The following PFKFB4 variants were observed in gnomAD, a reference collection of about 807,000 sequenced individuals.
PFKFB4 encodes the protein 6-phosphofructo-2-kinase/fructose-2,6-bisphosphatase 4.
Under a neutral mutation model 62.8 loss-of-function variants are expected in PFKFB4, and 42 were observed. The ratio of observed to expected loss-of-function variants is 0.67; its 90% CI spans 0.52 to 0.86. The LOEUF is 0.86. Among genes scored for constraint, PFKFB4 ranks in the 40% least tolerant of loss-of-function variants. The pLI is 0.00. For missense variants in PFKFB4, 475 were observed against 627.2 expected, an observed-to-expected ratio of 0.76 and a Z score of 2.59; for synonymous variants, 204 against 240.7, an observed-to-expected ratio of 0.85 and a Z score of 1.41.
intron 10 of PFKFB4, among the ~76,000 whole-genome samples, chr3:48,524,106 G>A (rs941696219): frequency 6.6e-6 from 1 of 152,220 alleles, no homozygotes; most frequent in African/African-American, 2.4e-5. Flanking sequence ...CCACCCATGG[G>A]GCTCTGCACT....
intron 3 of PFKFB4, among the ~76,000 whole-genome samples, chr3:48,544,423 A>G (rs905928370): frequency 4.1e-5 from 6 of 146,498 alleles, no homozygotes; most frequent in African/African-American, 1.5e-4. Flanking sequence ...CCAAACACTG[A>G]CTATACAGTT....
At chr3:48,558,323 C>G (rs2043380300), upstream of PFKFB4, among the ~76,000 whole-genome samples, 1 of 152,202 alleles carries the variant, frequency 6.6e-6, no homozygotes, top group African/African-American at 2.4e-5. Flanking sequence ...CGGCTTCAAC[C>G]TGAGCCACAC....
At chr3:48,553,741 T>C (rs950061531) in intron 1 of PFKFB4, among the ~76,000 whole-genome samples, 7 of 152,286 alleles carry the variant, frequency 4.6e-5, no homozygotes, top group Admixed American at 3.3e-4. Context: ...CTCACCTCCT[T>C]AGGCCAGGCT....
chr3:48,537,770 C>T (rs2042670825), intron 7 of PFKFB4, among the ~76,000 whole-genome samples: 1 of 152,042 alleles, frequency 6.6e-6, no homozygotes, highest in African/African-American at 2.4e-5. Flanking sequence ...TGCAATCCTC[C>T]CGCCTCAGCC....
chr3:48,558,609 G>A (rs1021970227), upstream of PFKFB4, among the ~76,000 whole-genome samples: 3 of 152,234 alleles, frequency 2.0e-5, no homozygotes, highest in African/African-American at 7.2e-5. Flanking sequence ...AGGAACTGAA[G>A]ATTCCAAAGG....
upstream of PFKFB4, among the ~76,000 whole-genome samples, chr3:48,558,028 GCA>G (rs1040527163): frequency 6.6e-6 from 1 of 152,050 alleles, no homozygotes; most frequent in African/African-American, 2.4e-5. Context: ...AATGGGATGT[GCA>G]CATTGTCTAT....
At chr3:48,552,651 G>C (rs1226892742) in intron 1 of PFKFB4, among the ~76,000 whole-genome samples, 1 of 152,232 alleles carries the variant, frequency 6.6e-6, no homozygotes, top group African/African-American at 2.4e-5. Flanking sequence ...CAGTGCGACA[G>C]CTGCTAAGCA....
rs756970374 is a variant in PFKFB4 at position 48,550,089 on chromosome 3, C to G, written c.214+29G>C. ...TCTCTTCGTCATGCCCCACAAAGCT[C>G]CCCTTAGACAGCTGGGGCCAAGCCT... On this transcript the variant is annotated intron_variant, in intron 2 of 13. Coordinates refer to ENST00000232375, the MANE Select transcript of PFKFB4 (RefSeq NM_004567.4). 3.9e-6 allele frequency: 6 copies of G among 1,521,914 alleles called. No individual in the cohort carries two copies. The South Asian group carries it at 6.7e-5, about 17-fold the overall frequency. The allele number at this position is 1,521,914 out of a possible 1,614,324, so 94.3% of individuals were successfully genotyped here.
chr3:48,550,440 G>T (rs189377336), intron 1 of PFKFB4, among the ~76,000 whole-genome samples: 39 of 152,220 alleles, frequency 2.6e-4, no homozygotes, highest in Non-Finnish European at 5.9e-5. Context: ...CCCCAGGCCC[G>T]CCTGGGCTCT....
At chr3:48,552,791 G>A (rs1442530471) in intron 1 of PFKFB4, among the ~76,000 whole-genome samples, 1 of 152,202 alleles carries the variant, frequency 6.6e-6, no homozygotes, top group Non-Finnish European at 1.5e-5. Context: ...CCCAGAGACA[G>A]CTCCAGCCTC....
chr3:48,550,755 C>A (rs1298461000), intron 1 of PFKFB4, among the ~76,000 whole-genome samples: 1 of 152,240 alleles, frequency 6.6e-6, no homozygotes, highest in African/African-American at 2.4e-5. Flanking sequence ...AAGTCACTTC[C>A]TCAATGAGTC....
At chr3:48,538,391 G>A (rs1335577398) in intron 7 of PFKFB4, 107 bp downstream of exon 7, 1 of 1,391,232 alleles carries the variant, frequency 7.2e-7, no homozygotes, top group East Asian at 2.3e-5. Context: ...GACCATCTCT[G>A]CTTTTTGGTC....
rs1426511122 is a variant in PFKFB4 at position 48,556,720 on chromosome 3, T to C, written c.58A>G (p.Ser20Gly). Residue 20 changes from serine to glycine, a missense_variant, in exon 1 of 14, where the codon AGC (serine) becomes GGC (glycine). Ser to Gly is a moderately conservative substitution (Grantham distance 56). Transcript: ENST00000232375. This position sits in a 1 kb window ranked among gnomAD's most constrained non-coding sequence, Gnocchi z 5.7. ...GCGTGCAGAGCGGGCCGCCCATTGC[T>C]GTATGGCATCCAGATCTTCTTCAGG... ...NPLKKIWMPY[S>G]NGRPALHACQ... 1 of 1,609,252 alleles carries C rather than the reference T, an allele frequency of 6.2e-7. No homozygotes were observed. The highest frequency in any genetic ancestry group is 8.5e-7 in the Non-Finnish European group (1 of 1,177,928).
intron 9 of PFKFB4, among the ~76,000 whole-genome samples, chr3:48,526,401 C>T (rs541510236): frequency 1.3e-5 from 2 of 151,508 alleles, no homozygotes; most frequent in South Asian, 4.2e-4. Flanking sequence ...GATGAATCCC[C>T]GTCTCTACTA....
chr3:48,554,441 C>T (rs2043250824), intron 1 of PFKFB4, among the ~76,000 whole-genome samples: 1 of 152,216 alleles, frequency 6.6e-6, no homozygotes. Flanking sequence ...CTCTCAGGTG[C>T]TACCTCCTCC....
upstream of PFKFB4, chr3:48,562,517 C>T (rs552528119): frequency 3.3e-5 from 17 of 521,338 alleles, no homozygotes; most frequent in Non-Finnish European, 5.1e-5. The surrounding 1 kb of genome is among the most constrained non-coding windows in gnomAD (Gnocchi z 4.3). Flanking sequence ...GGCACACAGG[C>T]ATGGCAAGAC....
chr3:48,558,341 T>C (rs2043380553), upstream of PFKFB4, among the ~76,000 whole-genome samples: 1 of 152,244 alleles, frequency 6.6e-6, no homozygotes, highest in African/African-American at 2.4e-5. Flanking sequence ...CACTGCCCTC[T>C]AGCGATGTCA....
At chr3:48,530,999 G>A (rs1477375095) in intron 9 of PFKFB4, among the ~76,000 whole-genome samples, 1 of 151,854 alleles carries the variant, frequency 6.6e-6, no homozygotes, top group Non-Finnish European at 1.5e-5. Context: ...GAGCCACTGC[G>A]CCTGGCCTAT....
chr3:48,539,862 C>G lies in PFKFB4; in HGVS notation c.379-91G>C. ...GAAGTGGGCAGTGAGGGCCGCAGCA[C>G]AGGCTCTCTGGGGACTGGATTTCTC... On this transcript the variant is annotated intron_variant, in intron 4 of 13. Coordinates refer to ENST00000232375, the MANE Select transcript of PFKFB4 (RefSeq NM_004567.4). 4.1e-6 allele frequency: 4 copies of G among 986,008 alleles called. No individual in the cohort carries two copies. The South Asian group carries it at 5.2e-5, about 13-fold the overall frequency. The allele number at this position is 986,008 out of a possible 1,614,324, so 61.1% of individuals were successfully genotyped here.
Sources: gnomAD v4.1 joint callset for allele counts (sites outside exome capture counted in the v4.1 genomes callset) on GRCh38, gnomAD v4.1.1 for gene constraint, Gnocchi (gnomAD v3.1) non-coding constraint, MANE v1.5 for transcripts, NCBI Gene and HGNC (gene_info 2026-07-23, HGNC 2026-07-21) for gene names.